GRXCR1: variants seen among roughly 807,000 people sequenced by gnomAD.
The protein encoded by GRXCR1 is glutaredoxin domain-containing cysteine-rich protein 1.
GRXCR1 carries 27 observed loss-of-function variants against 27.3 expected under a neutral mutation model. The ratio of observed to expected loss-of-function variants is 0.99; its 90% confidence interval spans 0.73 to 1.37. GRXCR1 has a LOEUF of 1.37. Among genes scored for constraint, GRXCR1 ranks in the 40% most tolerant of loss-of-function variants. GRXCR1 has a pLI of 0.00. For synonymous variants in GRXCR1, 122 were observed against 131.1 expected (o/e 0.93, Z 0.47); for missense variants, 379 against 354.4 (o/e 1.07, Z -0.56).
chr4:42,963,355 C>A (rs1183352758), intron 2 of GRXCR1, among the ~76,000 whole-genome samples: 4 of 151,954 alleles, frequency 2.6e-5, no homozygotes, highest in African/African-American at 9.7e-5. Flanking sequence ...CAAGAAACTG[C>A]ATTTTTGAAT....
At chr4:42,971,578 A>G (rs762775641) in intron 2 of GRXCR1, among the ~76,000 whole-genome samples, 16 of 152,180 alleles carry the variant, frequency 1.1e-4, no homozygotes, top group Middle Eastern at 3.4e-3. Context: ...AGTGAAGGGA[A>G]AAGTTCCACC....
At chr4:43,021,567 A>G (rs536978059) in intron 3 of GRXCR1, among the ~76,000 whole-genome samples, 23 of 152,298 alleles carry the variant, frequency 1.5e-4, no homozygotes, top group African/African-American at 4.8e-4. Flanking sequence ...GTTTACAGGT[A>G]CTTTGCTAAG....
rs921676934 is a variant in GRXCR1, at chr4:42,898,311, T to C, written c.384+4661T>C. Among the ~76,000 whole-genome samples, 5 of 152,136 alleles carry C rather than the reference T, an allele frequency of 3.3e-5. No homozygotes were observed. The East Asian group carries it at 5.8e-4, about 18-fold the overall frequency. ...TAAATAGCTTCAATTCAGCTTTGAATTGTATTTTTAAAAGGTTTATATCAT... is the reference window on the plus strand; with the variant it reads ...TAAATAGCTTCAATTCAGCTTTGAACTGTATTTTTAAAAGGTTTATATCAT... On this transcript the variant is annotated intron_variant, in intron 1 of 3. Coordinates refer to ENST00000399770, the MANE Select transcript of GRXCR1 (RefSeq NM_001080476.3).
At chr4:42,912,335 C>T (rs1251783921) in intron 1 of GRXCR1, among the ~76,000 whole-genome samples, 1 of 152,030 alleles carries the variant, frequency 6.6e-6, no homozygotes, top group Non-Finnish European at 1.5e-5. Flanking sequence ...TTGAAAAGGA[C>T]CTGAAGATAA....
chr4:42,976,813 G>A (rs554115885), intron 2 of GRXCR1, among the ~76,000 whole-genome samples: 2 of 152,000 alleles, frequency 1.3e-5, no homozygotes, highest in Admixed American at 1.3e-4. Flanking sequence ...TATCATTTTT[G>A]TGGGGAGACT....
chr4:42,975,936 C>G (rs1748509250), intron 2 of GRXCR1, among the ~76,000 whole-genome samples: 8 of 152,110 alleles, frequency 5.3e-5, no homozygotes, highest in Admixed American at 5.2e-4. Context: ...TTGAAGGATG[C>G]AGGCATTAAG....
intron 1 of GRXCR1, among the ~76,000 whole-genome samples, chr4:42,908,373 G>A (rs540578207): frequency 1.3e-5 from 2 of 152,252 alleles, no homozygotes; most frequent in South Asian, 4.1e-4. Context: ...TAAATACTGT[G>A]TAGCTATCTC....
intron 2 of GRXCR1, among the ~76,000 whole-genome samples, chr4:42,981,890 T>C (rs1185241841): frequency 6.6e-6 from 1 of 152,182 alleles, no homozygotes; most frequent in Non-Finnish European, 1.5e-5. Context: ...AGTTTGATTA[T>C]ATTATGTTTT....
At chr4:42,984,235 A>T (rs981873695) in intron 2 of GRXCR1, among the ~76,000 whole-genome samples, 24 of 152,176 alleles carry the variant, frequency 1.6e-4, no homozygotes, top group Non-Finnish European at 2.4e-4. Context: ...TTTCTGTTTG[A>T]TATAAAAACA....
Position 42,930,744 on chromosome 4 carries a change from C to A in GRXCR1, c.385-32148C>A, listed in dbSNP as rs143848823. ...TTTTTGAGCCTTGGATTCCTCAGAT[C>A]ATCGATAGACATAGTGATCAGATAA... On this transcript the variant is annotated intron_variant, in intron 1 of 3. Coordinates refer to ENST00000399770, the MANE Select transcript of GRXCR1 (RefSeq NM_001080476.3). Among the ~76,000 whole-genome samples the A allele has an allele frequency of 1.9e-3, 291 of 152,072 alleles. 1 individual carries two copies. Among genetic ancestry groups the A allele is most frequent in the African/African-American group, 6.7e-3 (278 of 41,528 alleles).
chr4:42,990,231 G>A (rs1386343185), intron 2 of GRXCR1, among the ~76,000 whole-genome samples: 10 of 107,034 alleles, frequency 9.3e-5, no homozygotes, highest in Non-Finnish European at 1.2e-4. Flanking sequence ...TCGCTCTGTC[G>A]CCCAGGCTGG....
intron 1 of GRXCR1, among the ~76,000 whole-genome samples, chr4:42,948,177 T>C (rs537273872): frequency 3.1e-4 from 47 of 151,844 alleles, no homozygotes; most frequent in African/African-American, 1.1e-3. Context: ...TTTCATGTAA[T>C]GCGAAGTACC....
chr4:42,924,173 G>T (rs1267651280), intron 1 of GRXCR1, among the ~76,000 whole-genome samples: 2 of 152,102 alleles, frequency 1.3e-5, no homozygotes, highest in Admixed American at 6.6e-5. Flanking sequence ...CTACATACAA[G>T]AATCGGGTCT....
At chr4:42,898,787 A>G (rs1344567905) in intron 1 of GRXCR1, among the ~76,000 whole-genome samples, 1 of 150,972 alleles carries the variant, frequency 6.6e-6, no homozygotes, top group Non-Finnish European at 1.5e-5. Flanking sequence ...AATGTTATGT[A>G]TCCTGAGAAA....
chr4:42,892,922 T>C lies in GRXCR1; in HGVS notation c.-345T>C, dbSNP rs565362371. On this transcript the variant is annotated 5_prime_UTR_variant, in exon 1 of 4. Transcript: ENST00000399770. ...TCAATGCCCACCATTGGCTTCAAAG[T>C]TCAAGCCTTTCATTTTCTTGCCCCA... Among the ~76,000 whole-genome samples, 3 of 152,260 alleles carry C rather than the reference T, an allele frequency of 2.0e-5. No homozygotes were observed. The East Asian group carries it at 5.8e-4, about 29-fold the overall frequency.
At chr4:42,996,754 C>G (rs1391412747) in intron 2 of GRXCR1, among the ~76,000 whole-genome samples, 1 of 151,700 alleles carries the variant, frequency 6.6e-6, no homozygotes, top group Admixed American at 6.6e-5. Context: ...AAAATTCCAT[C>G]TATAAAGGAA....
At chr4:42,983,643 G>T (rs906482272) in intron 2 of GRXCR1, among the ~76,000 whole-genome samples, 1 of 151,978 alleles carries the variant, frequency 6.6e-6, no homozygotes, top group Admixed American at 6.6e-5. Flanking sequence ...AAATTACCTT[G>T]GGCAGTATGG....
intron 2 of GRXCR1, among the ~76,000 whole-genome samples, chr4:42,984,234 G>T (rs966338094): frequency 6.6e-6 from 1 of 152,080 alleles, no homozygotes; most frequent in African/African-American, 2.4e-5. Flanking sequence ...GTTTCTGTTT[G>T]ATATAAAAAC....
At chr4:42,912,291 G>A (rs754168453) in intron 1 of GRXCR1, among the ~76,000 whole-genome samples, 8 of 152,250 alleles carry the variant, frequency 5.3e-5, no homozygotes, top group Admixed American at 5.2e-4. Context: ...ATTTAAAATC[G>A]TATTTGTTTC....
Sources: gnomAD v4.1 joint callset for allele counts (sites outside exome capture counted in the v4.1 genomes callset) on GRCh38, gnomAD v4.1.1 for gene constraint, MANE v1.5 for transcripts, NCBI Gene and HGNC (gene_info 2026-07-23, HGNC 2026-07-21) for gene names.